The following DEPDC1B variants were observed in gnomAD, a reference collection of about 807,000 sequenced individuals.
DEPDC1B encodes DEP domain containing 1B.
DEPDC1B carries 51 observed loss-of-function variants against 66.5 expected under a neutral mutation model. That is an observed-to-expected ratio of 0.77 (90% CI 0.61 to 0.97). The LOEUF (loss-of-function observed/expected upper bound fraction) is 0.97. Among genes scored for constraint, DEPDC1B ranks in the 50% least tolerant of loss-of-function variants. DEPDC1B has a pLI of 0.00. For missense variants in DEPDC1B, 552 were observed against 637.1 expected (o/e 0.87, Z 1.44); for synonymous variants, 226 against 223.6 (o/e 1.01, Z -0.10).
At position 60,638,816 on chromosome 5, in the gene DEPDC1B, A is replaced by C; in HGVS notation, c.832T>G (p.Tyr278Asp). Residue 278 changes from tyrosine (Y) to aspartate (D), a missense_variant, in exon 7 of 11, where the codon TAC (tyrosine) becomes GAC (aspartate). Transcript: ENST00000265036. ...EKDVFKTIAD[Y>D]YGHLKEPLLT... ...AGAGGCTCTTTCAAGTGACCATAGT[A>C]ATCAGCTATGGTTTTAAAGACATCT... 6.2e-7 allele frequency: 1 copy of C among 1,612,804 alleles called. No homozygotes were observed. Among genetic ancestry groups the C allele is most frequent in the Non-Finnish European group, 8.5e-7 (1 of 1,179,118 alleles).
At chr5:60,614,578 A>G (rs1442646375) in intron 7 of DEPDC1B, among the ~76,000 whole-genome samples, 1 of 152,112 alleles carries the variant, frequency 6.6e-6, no homozygotes, top group African/African-American at 2.4e-5. Context: ...TTATCATATG[A>G]TAGGAATTTT....
At chr5:60,617,932 G>A (rs2591636) in intron 7 of DEPDC1B, among the ~76,000 whole-genome samples, 83,517 of 152,016 alleles carry the variant, frequency 0.55, 23,129 homozygotes, top group Admixed American at 0.6. Context: ...AATTATGACA[G>A]ACTGTCTCTT....
Position 60,633,876 on chromosome 5 carries a change from T to A in DEPDC1B, c.898+4874A>T, listed in dbSNP as rs116590920. Among the ~76,000 whole-genome samples the A allele has an allele frequency of 3.9e-3, 588 of 152,324 alleles. 6 individuals are homozygous for A. Among genetic ancestry groups the A allele is most frequent in the African/African-American group, 0.014 (562 of 41,562 alleles). On this transcript the variant is annotated intron_variant, in intron 7 of 10. Coordinates refer to ENST00000265036, the MANE Select transcript of DEPDC1B (RefSeq NM_018369.3). ...ATGCAGGCTATAAAATACCATTTTA[T>A]TTGAAACTATGCCTCAGAAATAGAT...
At chr5:60,634,104 A>C (rs574647651) in intron 7 of DEPDC1B, among the ~76,000 whole-genome samples, 21 of 152,320 alleles carry the variant, frequency 1.4e-4, no homozygotes, top group African/African-American at 5.1e-4. Flanking sequence ...GCTAAACTTT[A>C]AAAGCCAACT....
chr5:60,599,910 A>G (rs1167566471), intron 9 of DEPDC1B, among the ~76,000 whole-genome samples: 7 of 102,318 alleles, frequency 6.8e-5, no homozygotes, highest in African/African-American at 1.0e-4. Flanking sequence ...CCCACTCCAC[A>G]TTCTATATTT....
chr5:60,682,339 G>A (rs1584099424), intron 2 of DEPDC1B, among the ~76,000 whole-genome samples: 2 of 152,278 alleles, frequency 1.3e-5, no homozygotes, highest in East Asian at 3.9e-4. Context: ...CACAGGAAGG[G>A]GACCATCACA....
chr5:60,626,662 C>A (rs543098370), intron 7 of DEPDC1B, among the ~76,000 whole-genome samples: 2 of 152,144 alleles, frequency 1.3e-5, no homozygotes, highest in Admixed American at 6.5e-5. Flanking sequence ...TACGAAAATA[C>A]CTACTCTTGC....
intron 7 of DEPDC1B, among the ~76,000 whole-genome samples, chr5:60,620,038 G>T (rs1343002625): frequency 2.6e-5 from 4 of 152,152 alleles, no homozygotes; most frequent in Admixed American, 2.0e-4. Flanking sequence ...AAGAAATGGG[G>T]AAATGATTCC....
intron 7 of DEPDC1B, among the ~76,000 whole-genome samples, chr5:60,635,870 T>C (rs536687943): frequency 1.3e-5 from 2 of 152,284 alleles, no homozygotes; most frequent in South Asian, 4.1e-4. Flanking sequence ...AAAACACAGG[T>C]CAAATCAGAC....
At chr5:60,603,286 C>T in intron 9 of DEPDC1B, 105 bp downstream of exon 9, 18 of 1,073,986 alleles carry the variant, frequency 1.7e-5, no homozygotes, top group Non-Finnish European at 2.3e-5. Flanking sequence ...ACTTTATAAA[C>T]ATTAATTCAC....
At chr5:60,601,869 C>T (rs1337376159) in intron 9 of DEPDC1B, among the ~76,000 whole-genome samples, 1 of 152,104 alleles carries the variant, frequency 6.6e-6, no homozygotes, top group East Asian at 1.9e-4. Flanking sequence ...CAGAAAAACT[C>T]TATGAGGTAA....
intron 2 of DEPDC1B, among the ~76,000 whole-genome samples, chr5:60,660,494 G>A (rs979153421): frequency 6.6e-6 from 1 of 152,120 alleles, no homozygotes; most frequent in African/African-American, 2.4e-5. Flanking sequence ...TAGCCCAAAA[G>A]GACTGAGGCC....
intron 2 of DEPDC1B, among the ~76,000 whole-genome samples, chr5:60,681,231 G>A (rs11741754): frequency 0.34 from 52,172 of 151,774 alleles, 10,571 homozygotes; most frequent in East Asian, 0.57. Context: ...TACCACCCAG[G>A]GACCTGAGGA....
At chr5:60,665,999 T>A (rs370263349) in intron 2 of DEPDC1B, among the ~76,000 whole-genome samples, 5 of 152,272 alleles carry the variant, frequency 3.3e-5, no homozygotes, top group African/African-American at 1.2e-4. Flanking sequence ...GGGAGCTCTG[T>A]TTTCACTCTA....
At chr5:60,604,218 C>CTTTTTTTTTTTTTTTTTTTTTTATTT (rs1752265094) in intron 8 of DEPDC1B, among the ~76,000 whole-genome samples, 1 of 68,970 alleles carries the variant, frequency 1.4e-5, no homozygotes, top group Non-Finnish European at 2.8e-5. Context: ...ATTAACTATT[C>CTTTTTTTTTTTTTTTTTTTTTTATTT]TTTTTTTTTT....
chr5:60,652,010 C>T (rs1753469345), intron 2 of DEPDC1B, among the ~76,000 whole-genome samples: 1 of 131,720 alleles, frequency 7.6e-6, no homozygotes, highest in Admixed American at 7.4e-5. Flanking sequence ...GCTGGCCATC[C>T]CACAGGATGG....
intron 7 of DEPDC1B, among the ~76,000 whole-genome samples, chr5:60,614,466 G>A (rs1752492070): frequency 1.3e-5 from 2 of 152,100 alleles, no homozygotes; most frequent in East Asian, 1.9e-4. Context: ...GGAACTACAA[G>A]CATGTGCCCC....
At chr5:60,627,088 G>C (rs1752822585) in intron 7 of DEPDC1B, among the ~76,000 whole-genome samples, 3 of 152,090 alleles carry the variant, frequency 2.0e-5, no homozygotes, top group African/African-American at 7.2e-5. Flanking sequence ...TCAAATGTTG[G>C]AGTGCTACAT....
chr5:60,676,713 GCTGAAGTC>G (rs1381294870), intron 2 of DEPDC1B, among the ~76,000 whole-genome samples: 1 of 151,996 alleles, frequency 6.6e-6, no homozygotes, highest in Non-Finnish European at 1.5e-5. Flanking sequence ...GCCGACCCAG[GCTGAAGTC>G]CTGCTCCTCC....
Sources: allele counts gnomAD v4.1 joint callset (sites outside exome capture counted in the v4.1 genomes callset), GRCh38; gene constraint gnomAD v4.1.1; transcripts MANE v1.5; gene names NCBI Gene and HGNC (gene_info 2026-07-23, HGNC 2026-07-21).